The following PTPRT variants were observed in gnomAD, a reference collection of about 807,000 sequenced individuals.
PTPRT encodes the protein receptor-type tyrosine-protein phosphatase T.
A neutral mutation model predicts 176.8 loss-of-function variants in PTPRT; 56 were observed. The observed-to-expected ratio is 0.32, with a 90% CI of 0.26 to 0.40. PTPRT has a LOEUF of 0.40. Ranked by LOEUF, PTPRT falls within the 10% of genes least tolerant of loss-of-function variation. PTPRT has a pLI of 1.00. For synonymous variants in PTPRT, 783 were observed against 739.0 expected, an observed-to-expected ratio of 1.06 and a Z score of -0.96; for missense variants, 1,540 against 1,908.2, an observed-to-expected ratio of 0.81 and a Z score of 3.60.
At chr20:43,170,217 T>G (rs928617723) in intron 1 of PTPRT, among the ~76,000 whole-genome samples, 1 of 152,096 alleles carries the variant, frequency 6.6e-6, no homozygotes, top group African/African-American at 2.4e-5. Flanking sequence ...AATTCCTATT[T>G]AAGCATGATC....
At chr20:42,441,690 C>T (rs2059317493) in intron 9 of PTPRT, among the ~76,000 whole-genome samples, 3 of 152,170 alleles carry the variant, frequency 2.0e-5, no homozygotes, top group Non-Finnish European at 2.9e-5. Context: ...TGCCATGCGG[C>T]CTGACCTGTG....
At chr20:42,742,188 A>G (rs2076621417) in intron 6 of PTPRT, among the ~76,000 whole-genome samples, 1 of 152,174 alleles carries the variant, frequency 6.6e-6, no homozygotes. Context: ...GACGCAGCAA[A>G]CCTGCTTCTG....
At chr20:43,039,600 A>G (rs989299401) in intron 1 of PTPRT, among the ~76,000 whole-genome samples, 1 of 152,092 alleles carries the variant, frequency 6.6e-6, no homozygotes, top group African/African-American at 2.4e-5. Flanking sequence ...AAAATTTAAA[A>G]ACAAATAAAA....
intron 1 of PTPRT, among the ~76,000 whole-genome samples, chr20:43,144,488 A>G (rs2014109178): frequency 6.6e-6 from 1 of 152,146 alleles, no homozygotes; most frequent in Admixed American, 6.6e-5. Flanking sequence ...CTCTCCTGGC[A>G]TTATTATCTT....
chr20:42,370,257 T>TA (rs1478305707), intron 9 of PTPRT, among the ~76,000 whole-genome samples: 2 of 152,208 alleles, frequency 1.3e-5, no homozygotes, highest in African/African-American at 4.8e-5. Flanking sequence ...TGTGGGCTGA[T>TA]AAGGGCTTCT....
At chr20:42,175,703 G>A (rs920928953) in intron 16 of PTPRT, among the ~76,000 whole-genome samples, 3 of 152,246 alleles carry the variant, frequency 2.0e-5, no homozygotes, top group East Asian at 3.9e-4. Flanking sequence ...AGACTCTTGA[G>A]TCGGCATTAA....
intron 14 of PTPRT, among the ~76,000 whole-genome samples, chr20:42,247,129 C>G (rs1048478290): frequency 1.3e-5 from 2 of 152,196 alleles, no homozygotes; most frequent in African/African-American, 4.8e-5. Context: ...GTTTCTCCAA[C>G]CAGAAAATCA....
chr20:42,436,854 T>C (rs1240099918), intron 9 of PTPRT, among the ~76,000 whole-genome samples: 1 of 152,208 alleles, frequency 6.6e-6, no homozygotes, highest in Non-Finnish European at 1.5e-5. Flanking sequence ...TCAAGATGAA[T>C]GGACTACAGC....
At chr20:42,932,621 T>G (rs897537860) in intron 1 of PTPRT, among the ~76,000 whole-genome samples, 7 of 152,130 alleles carry the variant, frequency 4.6e-5, no homozygotes, top group Non-Finnish European at 8.8e-5. Context: ...TGTCCCAGTT[T>G]TCCAAGAACT....
chr20:42,246,210 C>T (rs1346393207), intron 14 of PTPRT, among the ~76,000 whole-genome samples: 1 of 152,022 alleles, frequency 6.6e-6, no homozygotes, highest in Non-Finnish European at 1.5e-5. Context: ...TTTCGCTTTC[C>T]TTTGGGGCAT....
At chr20:42,832,700 G>C in intron 2 of PTPRT, among the ~76,000 whole-genome samples, 1 of 75,528 alleles carries the variant, frequency 1.3e-5, no homozygotes, top group South Asian at 3.6e-4. Context: ...AATACAGAAA[G>C]AAAAAAAAAA....
intron 6 of PTPRT, among the ~76,000 whole-genome samples, chr20:42,746,066 T>C (rs566479007): frequency 1.3e-5 from 2 of 152,362 alleles, no homozygotes; most frequent in Admixed American, 6.5e-5. Flanking sequence ...AGTTGCCATT[T>C]GATTTAATTT....
chr20:42,118,626 A>G, intron 20 of PTPRT, 126 bp from the exon 21 acceptor site: 1 of 626,422 alleles, frequency 1.6e-6, no homozygotes, highest in Non-Finnish European at 2.7e-6. Flanking sequence ...GATCCTTGTT[A>G]AGACACCAAG....
intron 13 of PTPRT, among the ~76,000 whole-genome samples, chr20:42,258,156 T>C (rs2056681780): frequency 6.6e-6 from 1 of 152,224 alleles, no homozygotes; most frequent in Admixed American, 6.5e-5. Flanking sequence ...TTAAAATATC[T>C]TTGTATTGAT....
intron 1 of PTPRT, among the ~76,000 whole-genome samples, chr20:43,160,664 A>G (rs924134621): frequency 6.6e-6 from 1 of 151,706 alleles, no homozygotes; most frequent in Non-Finnish European, 1.5e-5. Context: ...GCCTTGAAAG[A>G]ATATTTTTTT....
At chr20:42,133,811 T>C (rs1052244501) in intron 18 of PTPRT, among the ~76,000 whole-genome samples, 2 of 152,200 alleles carry the variant, frequency 1.3e-5, no homozygotes, top group Non-Finnish European at 2.9e-5. Context: ...TGAGGTACTT[T>C]CTGCTCAACT....
intron 1 of PTPRT, among the ~76,000 whole-genome samples, chr20:43,089,990 T>A (rs951265547): frequency 4.6e-5 from 7 of 152,214 alleles, no homozygotes; most frequent in Non-Finnish European, 1.0e-4. Context: ...AATGTCCAAG[T>A]GAAATCCGCC....
At chr20:42,468,328 G>C (rs2071134917) in intron 8 of PTPRT, among the ~76,000 whole-genome samples, 1 of 152,146 alleles carries the variant, frequency 6.6e-6, no homozygotes, top group African/African-American at 2.4e-5. Flanking sequence ...TCTTGTCCTT[G>C]AGGTGAACGA....
intron 7 of PTPRT, among the ~76,000 whole-genome samples, chr20:42,525,081 G>A (rs976014131): frequency 1.3e-5 from 2 of 151,964 alleles, no homozygotes; most frequent in Non-Finnish European, 2.9e-5. Context: ...TGTACCTCCC[G>A]GGCCCAAGCT....
Sources: gnomAD v4.1 joint callset for allele counts (sites outside exome capture counted in the v4.1 genomes callset) on GRCh38, gnomAD v4.1.1 for gene constraint, MANE v1.5 for transcripts, NCBI Gene and HGNC (gene_info 2026-07-23, HGNC 2026-07-21) for gene names.